The following TMC1 variants were observed in gnomAD, a reference collection of about 807,000 sequenced individuals.
TMC1 encodes the protein transmembrane channel-like protein 1.
A neutral mutation model predicts 105.8 loss-of-function variants in TMC1; 84 were observed. The observed-to-expected ratio is 0.79, with a 90% CI of 0.67 to 0.95. TMC1 has a LOEUF of 0.95. Ranked by LOEUF, TMC1 falls within the 40% of genes least tolerant of loss-of-function variation. TMC1 has a pLI of 0.00. For missense variants in TMC1, 817 were observed against 914.1 expected, an observed-to-expected ratio of 0.89 and a Z score of 1.37; for synonymous variants, 315 against 311.5, an observed-to-expected ratio of 1.01 and a Z score of -0.12.
intron 10 of TMC1, among the ~76,000 whole-genome samples, chr9:72,743,387 A>T (rs373955526): frequency 1.5e-4 from 23 of 150,370 alleles, no homozygotes; most frequent in East Asian, 7.7e-4. Flanking sequence ...AAAAATAAAA[A>T]AAATAAAAAA....
At chr9:72,562,005 C>T (rs889619167) in intron 1 of TMC1, among the ~76,000 whole-genome samples, 11 of 112,090 alleles carry the variant, frequency 9.8e-5, no homozygotes, top group African/African-American at 4.4e-4. Context: ...AAGATCCTAT[C>T]TCTAAAAAAA....
intron 21 of TMC1, among the ~76,000 whole-genome samples, 171 bp from the exon 22 acceptor site, chr9:72,830,280 T>C (rs2118329534): frequency 6.6e-6 from 1 of 152,292 alleles, no homozygotes; most frequent in East Asian, 1.9e-4. Flanking sequence ...AATGTATCTC[T>C]TTACCTCTCT....
rs1828825591 is a variant in TMC1, at chr9:72,818,574, C to T, written c.1764-2268C>T. On this transcript the variant is annotated intron_variant, in intron 19 of 23. Transcript: ENST00000297784. ...CAGGTTTATCACCTTTTTTTCTTCACTTTCTCAGTTGATCAGATGTGAATA... is the reference window on the plus strand; with the variant it reads ...CAGGTTTATCACCTTTTTTTCTTCATTTTCTCAGTTGATCAGATGTGAATA... 2.0e-5 allele frequency: 3 copies of T among 152,164 alleles called. No individual in the cohort carries two copies. In the South Asian group the frequency reaches 6.2e-4, roughly 31 times the overall value. 9.4% of individuals were successfully genotyped at this position (152,164 alleles called of 1,614,324 possible).
chr9:72,691,367 C>T (rs1826464713), intron 6 of TMC1, among the ~76,000 whole-genome samples: 1 of 151,918 alleles, frequency 6.6e-6, no homozygotes. Context: ...TTTCCTGTTT[C>T]TTTATTTTTC....
At chr9:72,568,859 C>A (rs1824216244) in intron 1 of TMC1, among the ~76,000 whole-genome samples, 1 of 152,058 alleles carries the variant, frequency 6.6e-6, no homozygotes, top group South Asian at 2.1e-4. Context: ...ACATTATCAG[C>A]AGATTAGACA....
chr9:72,809,091 C>T (rs932040453), intron 18 of TMC1: 2 of 152,292 alleles, frequency 1.3e-5, no homozygotes, highest in Admixed American at 1.3e-4. Flanking sequence ...TTTCTATTTT[C>T]CTTACCTGAT....
At chr9:72,536,005 G>A (rs577766888) in intron 1 of TMC1, among the ~76,000 whole-genome samples, 1 of 152,256 alleles carries the variant, frequency 6.6e-6, no homozygotes, top group East Asian at 1.9e-4. Context: ...AGGTTTGAAG[G>A]GGGGACAAAC....
chr9:72,625,687 CAAAAAAAAAAAAAA>C (rs951311614), intron 3 of TMC1, among the ~76,000 whole-genome samples: 1 of 70,712 alleles, frequency 1.4e-5, no homozygotes, highest in Admixed American at 1.7e-4. Context: ...GACTCTGTCT[CAAAAAAAAAAAAAA>C]GAAAAAAAAA....
chr9:72,574,941 GC>G (rs1824351153), intron 1 of TMC1, among the ~76,000 whole-genome samples: 1 of 152,102 alleles, frequency 6.6e-6, no homozygotes, highest in Non-Finnish European at 1.5e-5. Context: ...CTAGTACAGT[GC>G]CCCATGTTCT....
At chr9:72,601,407 G>A (rs1457643708) in intron 2 of TMC1, among the ~76,000 whole-genome samples, 1 of 152,114 alleles carries the variant, frequency 6.6e-6, no homozygotes, top group Non-Finnish European at 1.5e-5. Flanking sequence ...ACTTTGGGAG[G>A]CTGAGGCAGG....
intron 5 of TMC1, among the ~76,000 whole-genome samples, chr9:72,650,875 TATATATAG>T (rs1225943858): frequency 1.3e-4 from 17 of 133,524 alleles, no homozygotes; most frequent in South Asian, 8.9e-4. Flanking sequence ...GTGTATTTTA[TATATATAG>T]ATATATAGAT....
intron 6 of TMC1, among the ~76,000 whole-genome samples, chr9:72,689,731 A>T (rs1178975754): frequency 6.6e-6 from 1 of 152,126 alleles, no homozygotes; most frequent in Non-Finnish European, 1.5e-5. Flanking sequence ...TACTAAAAGC[A>T]TATTTTGTCC....
At chr9:72,645,779 A>T (rs905600947) in intron 4 of TMC1, among the ~76,000 whole-genome samples, 11 of 152,202 alleles carry the variant, frequency 7.2e-5, no homozygotes, top group African/African-American at 2.6e-4. Context: ...GTTTCTTCTG[A>T]CTTTTTGTTT....
chr9:72,721,474 G>A (rs1330784969), intron 8 of TMC1, among the ~76,000 whole-genome samples: 1 of 152,178 alleles, frequency 6.6e-6, no homozygotes, highest in Non-Finnish European at 1.5e-5. Context: ...TTTCACCTGC[G>A]TGATGTTCAT....
intron 18 of TMC1, chr9:72,808,793 C>T (rs1164507447): frequency 6.6e-6 from 1 of 152,220 alleles, no homozygotes; most frequent in African/African-American, 2.4e-5. Context: ...TCCTTTATAG[C>T]TGATCTTCTA....
chr9:72,545,102 T>C (rs1183304730), intron 1 of TMC1, among the ~76,000 whole-genome samples: 1 of 151,832 alleles, frequency 6.6e-6, no homozygotes, highest in South Asian at 2.1e-4. Context: ...AATATGTTCC[T>C]TTTTATGGCT....
At chr9:72,606,611 A>G (rs1387331487) in intron 2 of TMC1, among the ~76,000 whole-genome samples, 3 of 152,234 alleles carry the variant, frequency 2.0e-5, no homozygotes, top group Non-Finnish European at 4.4e-5. Context: ...TTTAGCTGCT[A>G]TAATAATTGA....
At chr9:72,524,454 A>G (rs1316045041) in intron 1 of TMC1, among the ~76,000 whole-genome samples, 1 of 152,180 alleles carries the variant, frequency 6.6e-6, no homozygotes, top group African/African-American at 2.4e-5. Context: ...TTTTATTACT[A>G]GTAATATTAA....
chr9:72,653,553 C>G (rs1181224814), intron 5 of TMC1, among the ~76,000 whole-genome samples: 1 of 152,170 alleles, frequency 6.6e-6, no homozygotes, highest in Non-Finnish European at 1.5e-5. Context: ...ATTCCTTTGG[C>G]TGATAAAATG....
Sources: allele counts gnomAD v4.1 joint callset (sites outside exome capture counted in the v4.1 genomes callset), GRCh38; gene constraint gnomAD v4.1.1; transcripts MANE v1.5; gene names NCBI Gene and HGNC (gene_info 2026-07-23, HGNC 2026-07-21).